NTNG1: variants seen among roughly 807,000 people sequenced by gnomAD.
The protein encoded by NTNG1 is netrin G1.
A neutral mutation model predicts 54.0 loss-of-function variants in NTNG1; 16 were observed. The observed-to-expected ratio is 0.30, with a 90% CI of 0.20 to 0.45. NTNG1 has a LOEUF of 0.45. Among genes scored for constraint, NTNG1 ranks in the 20% least tolerant of loss-of-function variants. The probability of loss-of-function intolerance (pLI) is 1.00; values close to 1 mark genes in which losing one functional copy is unlikely to be tolerated. For missense variants in NTNG1, 530 were observed against 678.7 expected (o/e 0.78, Z 2.43); for synonymous variants, 255 against 263.1 (o/e 0.97, Z 0.30).
chr1:107,389,077 C>T (rs1254820897), intron 3 of NTNG1, among the ~76,000 whole-genome samples: 1 of 152,180 alleles, frequency 6.6e-6, no homozygotes, highest in Non-Finnish European at 1.5e-5. Context: ...AGGAAAAACC[C>T]TCATTAATAA....
chr1:107,416,572 A>G (rs998430977), intron 5 of NTNG1, among the ~76,000 whole-genome samples: 2 of 152,062 alleles, frequency 1.3e-5, no homozygotes, highest in African/African-American at 4.8e-5. Flanking sequence ...AAAATCATAA[A>G]ACACTAAGAA....
chr1:107,349,732 G>A (rs1211155574), intron 3 of NTNG1, among the ~76,000 whole-genome samples: 2 of 152,048 alleles, frequency 1.3e-5, no homozygotes, highest in African/African-American at 4.8e-5. Context: ...GCCTTCTTCT[G>A]AGACTTGCTT....
intron 7 of NTNG1, among the ~76,000 whole-genome samples, chr1:107,464,414 C>T (rs78408717): frequency 1.3e-5 from 2 of 151,976 alleles, no homozygotes; most frequent in East Asian, 3.9e-4. Context: ...TAGTTGGGGC[C>T]CCAGGTGTAA....
intron 2 of NTNG1, among the ~76,000 whole-genome samples, chr1:107,199,570 GT>G (rs1319142835): frequency 6.6e-6 from 1 of 151,856 alleles, no homozygotes; most frequent in African/African-American, 2.4e-5. Context: ...TTTAATGAAT[GT>G]CTTCTAGATG....
chr1:107,208,214 G>A (rs1659338618), intron 2 of NTNG1, among the ~76,000 whole-genome samples: 1 of 152,116 alleles, frequency 6.6e-6, no homozygotes, highest in African/African-American at 2.4e-5. Flanking sequence ...CTGATCACCA[G>A]AGGCTGGGAG....
chr1:107,227,635 C>T (rs1660775414), intron 2 of NTNG1, among the ~76,000 whole-genome samples: 2 of 151,642 alleles, frequency 1.3e-5, no homozygotes, highest in South Asian at 4.1e-4. Flanking sequence ...AAGCTGGAAA[C>T]AAGGATTCAT....
chr1:107,476,548 A>G (rs947346314), intron 7 of NTNG1, among the ~76,000 whole-genome samples: 1 of 152,142 alleles, frequency 6.6e-6, no homozygotes, highest in Non-Finnish European at 1.5e-5. Flanking sequence ...TTCTCAATAA[A>G]TTTCTTTATT....
At chr1:107,335,447 T>C (rs568666164) in intron 3 of NTNG1, among the ~76,000 whole-genome samples, 2 of 152,018 alleles carry the variant, frequency 1.3e-5, no homozygotes, top group South Asian at 2.1e-4. Context: ...CAAACTCAAC[T>C]ATATACATGT....
chr1:107,165,091 C>A (rs1655687709), intron 2 of NTNG1, among the ~76,000 whole-genome samples: 1 of 151,976 alleles, frequency 6.6e-6, no homozygotes, highest in Admixed American at 6.6e-5. Flanking sequence ...AGAAGGTGAC[C>A]AGGAGTGACT....
chr1:107,438,276 TCTCCAGCCTTG>T (rs1675734685), intron 7 of NTNG1, among the ~76,000 whole-genome samples: 1 of 151,966 alleles, frequency 6.6e-6, no homozygotes, highest in South Asian at 2.1e-4. Context: ...GGAACTGAGG[TCTCCAGCCTTG>T]CTGGAGAGGA....
intron 1 of NTNG1, among the ~76,000 whole-genome samples, chr1:107,146,448 C>A (rs1654122781): frequency 6.6e-6 from 1 of 151,944 alleles, no homozygotes. Context: ...CTGAAAATAT[C>A]AACTTAAAAT....
At chr1:107,287,460 A>G (rs7547994) in intron 2 of NTNG1, among the ~76,000 whole-genome samples, 2,770 of 152,262 alleles carry the variant, frequency 0.018, 70 homozygotes, top group African/African-American at 0.063. Flanking sequence ...AGTCAAACTC[A>G]TTTAAAGCAT....
At chr1:107,331,757 C>T (rs980543824) in intron 3 of NTNG1, among the ~76,000 whole-genome samples, 4 of 152,052 alleles carry the variant, frequency 2.6e-5, no homozygotes, top group African/African-American at 7.2e-5. Context: ...TTAACTTCCA[C>T]ATATAAGTCC....
chr1:107,207,750 A>C (rs187238574), intron 2 of NTNG1, among the ~76,000 whole-genome samples: 103 of 152,298 alleles, frequency 6.8e-4, no homozygotes, highest in African/African-American at 2.4e-3. Context: ...TGCTCTGTGA[A>C]GTGATAAGAG....
At chr1:107,256,439 A>G (rs1662938489) in intron 2 of NTNG1, among the ~76,000 whole-genome samples, 1 of 152,254 alleles carries the variant, frequency 6.6e-6, no homozygotes, top group South Asian at 2.1e-4. Flanking sequence ...TATTTTCTGT[A>G]TGAATAGATG....
intron 3 of NTNG1, among the ~76,000 whole-genome samples, chr1:107,346,468 G>C (rs1458659119): frequency 2.0e-5 from 3 of 152,118 alleles, no homozygotes; most frequent in Non-Finnish European, 2.9e-5. Flanking sequence ...TTCTAGGATG[G>C]CAGCTTAACT....
intron 2 of NTNG1, among the ~76,000 whole-genome samples, chr1:107,288,295 G>A (rs577125893): frequency 6.6e-6 from 1 of 152,202 alleles, no homozygotes; most frequent in South Asian, 2.1e-4. Flanking sequence ...ATAAAATAGG[G>A]TTTGGAGTTT....
intron 3 of NTNG1, among the ~76,000 whole-genome samples, chr1:107,368,734 T>C (rs1488766912): frequency 6.6e-6 from 1 of 152,220 alleles, no homozygotes; most frequent in Non-Finnish European, 1.5e-5. Context: ...GGGACTCAGT[T>C]GTTTATAATC....
chr1:107,433,037 A>G (rs577715786), intron 6 of NTNG1, among the ~76,000 whole-genome samples: 2 of 152,326 alleles, frequency 1.3e-5, no homozygotes, highest in Middle Eastern at 3.4e-3. Context: ...CAGAAGAAAT[A>G]TGAAAAAGAT....
Sources: allele counts gnomAD v4.1 joint callset (sites outside exome capture counted in the v4.1 genomes callset), GRCh38; gene constraint gnomAD v4.1.1; transcripts MANE v1.5; gene names NCBI Gene and HGNC (gene_info 2026-07-23, HGNC 2026-07-21).